UNC5C: variants seen among roughly 807,000 people sequenced by gnomAD.
The protein encoded by UNC5C is unc-5 netrin receptor C.
In UNC5C, 47 loss-of-function variants were observed where a neutral mutation model predicts 99.8. The observed-to-expected ratio is 0.47, with a 90% CI of 0.37 to 0.60. UNC5C has a LOEUF of 0.60. Ranked by LOEUF, UNC5C falls within the 20% of genes least tolerant of loss-of-function variation. The probability of loss-of-function intolerance (pLI) is 0.00; values close to 1 mark genes in which losing one functional copy is unlikely to be tolerated. For missense variants in UNC5C, 1,062 were observed against 1,165.9 expected (o/e 0.91, Z 1.30); for synonymous variants, 487 against 452.2 (o/e 1.08, Z -0.98).
intron 2 of UNC5C, among the ~76,000 whole-genome samples, chr4:95,308,932 T>C (rs1052280870): frequency 2.0e-5 from 3 of 151,880 alleles, no homozygotes; most frequent in Non-Finnish European, 4.4e-5. Flanking sequence ...AGAAAAACAA[T>C]CTTAAAATTC....
intron 7 of UNC5C, among the ~76,000 whole-genome samples, chr4:95,237,157 T>C (rs1449541230): frequency 6.6e-6 from 1 of 152,224 alleles, no homozygotes; most frequent in Non-Finnish European, 1.5e-5. Flanking sequence ...TTATTGTTTT[T>C]AAAAATATTT....
chr4:95,290,343 G>T (rs934270138), intron 3 of UNC5C, among the ~76,000 whole-genome samples: 1 of 148,146 alleles, frequency 6.8e-6, no homozygotes, highest in African/African-American at 2.5e-5. Flanking sequence ...GTTTGGTGGT[G>T]TTTTTTTTTT....
chr4:95,252,273 A>G (rs1281395061), intron 4 of UNC5C, among the ~76,000 whole-genome samples: 2 of 152,196 alleles, frequency 1.3e-5, no homozygotes, highest in Non-Finnish European at 2.9e-5. Context: ...TTTGAGTGGA[A>G]TCTTTACCTA....
chr4:95,342,253 C>T (rs1405778827), intron 1 of UNC5C, among the ~76,000 whole-genome samples: 1 of 152,080 alleles, frequency 6.6e-6, no homozygotes, highest in Non-Finnish European at 1.5e-5. Flanking sequence ...GGAGACATTC[C>T]TTCCCTCTGC....
intron 11 of UNC5C, among the ~76,000 whole-genome samples, chr4:95,206,348 G>A (rs1737874816): frequency 6.6e-6 from 1 of 151,576 alleles, no homozygotes; most frequent in African/African-American, 2.4e-5. Context: ...TATATACATA[G>A]ACATATATAT....
chr4:95,337,843 A>G (rs1285634700), intron 1 of UNC5C, among the ~76,000 whole-genome samples: 2 of 151,966 alleles, frequency 1.3e-5, no homozygotes, highest in Non-Finnish European at 1.5e-5. Context: ...TTTGCATATC[A>G]TTATAGTTTC....
chr4:95,196,652 G>T (rs1369264601), intron 12 of UNC5C, among the ~76,000 whole-genome samples: 1 of 147,794 alleles, frequency 6.8e-6, no homozygotes, highest in Non-Finnish European at 1.5e-5. Flanking sequence ...TGAGTAGGGA[G>T]AAGAAAAAAT....
At chr4:95,400,384 C>CT (rs1171870515) in intron 1 of UNC5C, among the ~76,000 whole-genome samples, 18,745 of 65,698 alleles carry the variant, frequency 0.29, 5,926 homozygotes, top group East Asian at 0.4. Flanking sequence ...GAGATGAATT[C>CT]TTTTTTTTTT....
At chr4:95,274,080 GCTT>G (rs1378598773) in intron 4 of UNC5C, among the ~76,000 whole-genome samples, 1 of 152,072 alleles carries the variant, frequency 6.6e-6, no homozygotes, top group Non-Finnish European at 1.5e-5. Context: ...AAAACTTTTT[GCTT>G]CTTATTTCAT....
At chr4:95,450,707 A>G (rs533004295) in intron 1 of UNC5C, among the ~76,000 whole-genome samples, 73 of 152,344 alleles carry the variant, frequency 4.8e-4, no homozygotes, top group African/African-American at 1.4e-3. Context: ...GGAGTAAACT[A>G]AAAAAGTCAT....
At chr4:95,285,464 C>T (rs1316030406) in intron 3 of UNC5C, among the ~76,000 whole-genome samples, 1 of 152,018 alleles carries the variant, frequency 6.6e-6, no homozygotes, top group Non-Finnish European at 1.5e-5. Context: ...TAAAGCACAA[C>T]GTATGTAATA....
intron 4 of UNC5C, among the ~76,000 whole-genome samples, chr4:95,259,753 AAC>A (rs1484934773): frequency 5.9e-5 from 9 of 152,342 alleles, no homozygotes; most frequent in Admixed American, 2.6e-4. Flanking sequence ...TTTTTAATGA[AAC>A]ACAGGTTATT....
chr4:95,346,851 A>G (rs1743791101), intron 1 of UNC5C, among the ~76,000 whole-genome samples: 1 of 151,952 alleles, frequency 6.6e-6, no homozygotes, highest in African/African-American at 2.4e-5. Context: ...TCTAAGATAT[A>G]GAAAACAACA....
intron 1 of UNC5C, among the ~76,000 whole-genome samples, chr4:95,362,408 C>T (rs1241354108): frequency 6.6e-6 from 1 of 152,018 alleles, no homozygotes; most frequent in African/African-American, 2.4e-5. Flanking sequence ...TGTTCATGGC[C>T]ATCTTGATGT....
chr4:95,447,926 G>A (rs1031033208), intron 1 of UNC5C, among the ~76,000 whole-genome samples: 5 of 152,150 alleles, frequency 3.3e-5, no homozygotes, highest in African/African-American at 1.2e-4. Context: ...AGGAAGAAGC[G>A]GCTTGGGCTG....
chr4:95,330,474 A>G (rs1358992149), intron 2 of UNC5C, among the ~76,000 whole-genome samples: 1 of 152,112 alleles, frequency 6.6e-6, no homozygotes, highest in African/African-American at 2.4e-5. Flanking sequence ...TGATAAGTAT[A>G]TACCTACATG....
chr4:95,249,781 G>A (rs945855514), intron 5 of UNC5C, among the ~76,000 whole-genome samples: 4 of 152,178 alleles, frequency 2.6e-5, no homozygotes, highest in African/African-American at 9.7e-5. Flanking sequence ...TGCTTCGTTG[G>A]ACTTTAGCAT....
Position 95,407,880 on chromosome 4 carries a change from T to C in UNC5C, c.125-72249A>G, listed in dbSNP as rs951992429. 3.9e-5 allele frequency among the ~76,000 whole-genome samples: 6 copies of C among 152,206 alleles called. No individual in the cohort carries two copies. The South Asian group carries it at 8.3e-4, about 21-fold the overall frequency. On this transcript the variant is annotated intron_variant, in intron 1 of 15. Coordinates refer to ENST00000453304, the MANE Select transcript of UNC5C (RefSeq NM_003728.4). ...AATTGCAATTTGCAATAGTTGAAAG[T>C]CAATCACAGATGGCTAAAAATGTTA...
intron 1 of UNC5C, among the ~76,000 whole-genome samples, chr4:95,396,789 A>G (rs1745523322): frequency 6.6e-6 from 1 of 152,030 alleles, no homozygotes; most frequent in African/African-American, 2.4e-5. Flanking sequence ...ACAAAGTTGC[A>G]ACCAAGAAAC....
Sources: gnomAD v4.1 joint callset for allele counts (sites outside exome capture counted in the v4.1 genomes callset) on GRCh38, gnomAD v4.1.1 for gene constraint, MANE v1.5 for transcripts, NCBI Gene and HGNC (gene_info 2026-07-23, HGNC 2026-07-21) for gene names.